Variants in NCBP1 observed in about 807,000 individuals in gnomAD.
The protein encoded by NCBP1 is nuclear cap binding protein subunit 1.
Under a neutral mutation model 111.7 loss-of-function variants are expected in NCBP1, and 16 were observed. The ratio of observed to expected loss-of-function variants is 0.14; its 90% CI spans 0.10 to 0.22. The LOEUF is 0.22. Among genes scored for constraint, NCBP1 ranks in the 10% least tolerant of loss-of-function variants. The pLI is 1.00. For synonymous variants in NCBP1, 304 were observed against 314.3 expected, an observed-to-expected ratio of 0.97 and a Z score of 0.35; for missense variants, 607 against 957.5, an observed-to-expected ratio of 0.63 and a Z score of 4.83.
chr9:97,641,711 T>G (rs1827210696), intron 3 of NCBP1, 49 bp downstream of exon 3: 2 of 1,470,550 alleles, frequency 1.4e-6, no homozygotes, highest in Non-Finnish European at 9.2e-7. Flanking sequence ...TATTATCTAC[T>G]CTTAAATGCT....
At chr9:97,659,312 T>TCTTTGCAGATTACA (rs1827761589) in intron 15 of NCBP1, among the ~76,000 whole-genome samples, 1 of 152,236 alleles carries the variant, frequency 6.6e-6, no homozygotes, top group African/African-American at 2.4e-5. Flanking sequence ...TCCAACTTGT[T>TCTTTGCAGATTACA]CTTTGCAGAT....
chr9:97,646,080 A>G (rs1827327894), intron 6 of NCBP1, among the ~76,000 whole-genome samples: 1 of 152,218 alleles, frequency 6.6e-6, no homozygotes, highest in Non-Finnish European at 1.5e-5. Context: ...CCCAGACCTG[A>G]TAAATTATAC....
chr9:97,658,873 G>A (rs1564026209), intron 15 of NCBP1, 130 bp downstream of exon 15: 1 of 702,194 alleles, frequency 1.4e-6, no homozygotes, highest in South Asian at 1.7e-5. Flanking sequence ...TTTGAAAGGT[G>A]GTCTATCATT....
chr9:97,643,415 G>A, intron 4 of NCBP1, 55 bp downstream of exon 4: 1 of 1,440,576 alleles, frequency 6.9e-7, no homozygotes, highest in Non-Finnish European at 9.2e-7. Context: ...GGAGGGAAAA[G>A]GTGAACTACA....
intron 8 of NCBP1, among the ~76,000 whole-genome samples, chr9:97,649,399 A>AATATGTCCCCTCAAGAGC (rs1375993876): frequency 1.3e-5 from 2 of 152,188 alleles, no homozygotes; most frequent in Non-Finnish European, 2.9e-5. Flanking sequence ...CAGAGAGTGC[A>AATATGTCCCCTCAAGAGC]ATATGTCCCC....
intron 20 of NCBP1, among the ~76,000 whole-genome samples, chr9:97,667,784 A>G (rs1411501127): frequency 2.0e-5 from 3 of 152,214 alleles, no homozygotes; most frequent in African/African-American, 4.8e-5. Context: ...TGGTCACACA[A>G]CCATATTTCA....
intron 19 of NCBP1, 47 bp downstream of exon 19, chr9:97,664,490 T>A (rs1244059915): frequency 9.3e-6 from 12 of 1,293,426 alleles, no homozygotes; most frequent in Non-Finnish European, 1.3e-5. Context: ...AGAATTGATA[T>A]ATGTGTGGTC....
chr9:97,655,879 A>T, intron 13 of NCBP1, 115 bp downstream of exon 13: 1 of 1,314,712 alleles, frequency 7.6e-7, no homozygotes, highest in Non-Finnish European at 1.1e-6. Flanking sequence ...GTAGTTAAGT[A>T]CAAATAGTTA....
At chr9:97,663,525 C>T (rs965886705) in intron 18 of NCBP1, among the ~76,000 whole-genome samples, 1 of 152,030 alleles carries the variant, frequency 6.6e-6, no homozygotes, top group African/African-American at 2.4e-5. Flanking sequence ...CACTCTGTCA[C>T]CCAGGCTGGA....
At chr9:97,661,125 A>G (rs1466408091) in intron 16 of NCBP1, 57 bp downstream of exon 16, 2 of 1,594,548 alleles carry the variant, frequency 1.3e-6, no homozygotes, top group Admixed American at 3.5e-5. Flanking sequence ...CTTAAAGCAT[A>G]AACATAACTC....
intron 16 of NCBP1, 88 bp from the exon 17 acceptor site, chr9:97,661,954 T>C: frequency 1.2e-6 from 1 of 849,368 alleles, no homozygotes; most frequent in Non-Finnish European, 1.9e-6. Flanking sequence ...TGTATAGATG[T>C]GAGCAACCAT....
intron 14 of NCBP1, among the ~76,000 whole-genome samples, chr9:97,658,163 AC>A (rs112353612): frequency 0.023 from 3,520 of 151,884 alleles, 149 homozygotes; most frequent in African/African-American, 0.081. Flanking sequence ...CTCTTGGTGG[AC>A]ACACATCCAT....
chr9:97,651,683 T>G (rs1192025254), intron 10 of NCBP1, among the ~76,000 whole-genome samples: 1 of 152,218 alleles, frequency 6.6e-6, no homozygotes, highest in Non-Finnish European at 1.5e-5. Context: ...GTCAATACAT[T>G]GTCCACTTAA....
At chr9:97,669,969 C>T in intron 22 of NCBP1, 1 of 480,804 alleles carries the variant, frequency 2.1e-6, no homozygotes, top group Non-Finnish European at 3.8e-6. Flanking sequence ...GTTGCCCAGG[C>T]TGGAGTTCAG....
chr9:97,650,713 T>G (rs1827475119), intron 9 of NCBP1, 113 bp downstream of exon 9: 1 of 780,410 alleles, frequency 1.3e-6, no homozygotes, highest in Admixed American at 2.5e-5. Context: ...CCTGACTCCC[T>G]GTCTTGCTAA....
At position 97,647,486 on chromosome 9, in the gene NCBP1, CT is replaced by C; in HGVS notation, c.612-3del. The C allele has an allele frequency of 6.2e-7, 1 of 1,607,980 alleles. No homozygotes were observed. Among genetic ancestry groups the C allele is most frequent in the Non-Finnish European group, 8.5e-7 (1 of 1,175,430 alleles). On this transcript the variant is annotated splice_polypyrimidine_tract_variant and splice_region_variant and intron_variant, in intron 6 of 22. Transcript: ENST00000375147. The stretch of plus-strand genomic sequence containing the variant: ...CCTAAATGTAGATTTTCATTTTTAT[CT>C]TTAGAAGACGCCAAAAGACTCATGT...
intron 1 of NCBP1, among the ~76,000 whole-genome samples, chr9:97,639,288 C>G (rs1486222563): frequency 3.3e-5 from 5 of 152,036 alleles, no homozygotes; most frequent in Non-Finnish European, 7.4e-5. Flanking sequence ...CTTTATAATA[C>G]CCCCCCTCAG....
rs751637016 is a variant in NCBP1, at chr9:97,673,399, A to C, written c.*2200A>C. On this transcript the variant is annotated 3_prime_UTR_variant, in exon 23 of 23. Transcript: ENST00000375147. ...CAAAACTGCTTTGTAATCTTTTCACAATGTACTGAAAAGTGTGGCTAGTTA... is the reference window on the plus strand; with the variant it reads ...CAAAACTGCTTTGTAATCTTTTCACCATGTACTGAAAAGTGTGGCTAGTTA... 7 of 152,220 alleles carry C rather than the reference A, an allele frequency of 4.6e-5. No homozygotes were observed. Among genetic ancestry groups the C allele is most frequent in the Non-Finnish European group, 1.0e-4 (7 of 68,036 alleles). The allele number at this position is 152,220 out of a possible 1,614,324, so 9.4% of individuals were successfully genotyped here.
chr9:97,665,486 CTG>C (rs535856257), intron 19 of NCBP1, among the ~76,000 whole-genome samples: 96 of 152,316 alleles, frequency 6.3e-4, no homozygotes, highest in African/African-American at 2.3e-3. Flanking sequence ...ATTCTGGAAT[CTG>C]TATAGTGCTC....
Sources: gnomAD v4.1 joint callset for allele counts (sites outside exome capture counted in the v4.1 genomes callset) on GRCh38, gnomAD v4.1.1 for gene constraint, MANE v1.5 for transcripts, NCBI Gene and HGNC (gene_info 2026-07-23, HGNC 2026-07-21) for gene names.